Variants in SLC30A8 observed in about 807,000 individuals in gnomAD.
SLC30A8 encodes solute carrier family 30 member 8, also known as proton-coupled zinc antiporter SLC30A8.
In SLC30A8, 27 loss-of-function variants were observed where a neutral mutation model predicts 36.9. The observed-to-expected ratio is 0.73, with a 90% confidence interval of 0.54 to 1.01. The LOEUF is 1.01. SLC30A8 is among the 50% of genes least tolerant of loss of function. SLC30A8 has a pLI of 0.00. For missense variants in SLC30A8, 439 were observed against 452.0 expected (o/e 0.97, Z 0.26); for synonymous variants, 164 against 172.4 (o/e 0.95, Z 0.38).
intron 1 of SLC30A8, among the ~76,000 whole-genome samples, chr8:117,018,601 G>C (rs919278584): frequency 3.5e-4 from 53 of 150,728 alleles, no homozygotes; most frequent in Non-Finnish European, 6.9e-4. Flanking sequence ...GCACTGTTGC[G>C]TTTGATAGTG....
intron 1 of SLC30A8, among the ~76,000 whole-genome samples, chr8:116,992,965 G>A (rs967003261): frequency 2.4e-5 from 3 of 126,426 alleles, no homozygotes; most frequent in Non-Finnish European, 3.7e-5. Context: ...TGGCCATGTC[G>A]AGTAAAGAAG....
chr8:117,068,607 C>T (rs1247979289), intron 2 of SLC30A8, among the ~76,000 whole-genome samples: 1 of 152,072 alleles, frequency 6.6e-6, no homozygotes, highest in Non-Finnish European at 1.5e-5. Context: ...GACAGTGTCT[C>T]ACTCTGTCAC....
chr8:117,141,884 G>T (rs1016562364), intron 1 of SLC30A8, among the ~76,000 whole-genome samples: 1 of 152,112 alleles, frequency 6.6e-6, no homozygotes, highest in African/African-American at 2.4e-5. Context: ...CTTTGAAGTG[G>T]TTTATATGAA....
At chr8:117,046,092 G>A (rs1448531437) in intron 2 of SLC30A8, among the ~76,000 whole-genome samples, 5 of 152,104 alleles carry the variant, frequency 3.3e-5, no homozygotes, top group Non-Finnish European at 7.3e-5. Flanking sequence ...ACTTTCTCGA[G>A]TCATGAAGGG....
At chr8:117,114,138 G>A (rs1375110093) in intron 2 of SLC30A8, among the ~76,000 whole-genome samples, 1 of 152,106 alleles carries the variant, frequency 6.6e-6, no homozygotes, top group Non-Finnish European at 1.5e-5. Flanking sequence ...CAGACACACA[G>A]CACTTAGAAC....
chr8:117,007,968 A>G (rs558182035), intron 1 of SLC30A8, among the ~76,000 whole-genome samples: 169 of 152,344 alleles, frequency 1.1e-3, no homozygotes, highest in African/African-American at 3.9e-3. Context: ...ATGTAAAATG[A>G]TATATGGTAA....
At chr8:117,005,155 C>T (rs2130693418) in intron 1 of SLC30A8, among the ~76,000 whole-genome samples, 1 of 152,292 alleles carries the variant, frequency 6.6e-6, no homozygotes, top group South Asian at 2.1e-4. Flanking sequence ...AGCTGTCACT[C>T]CCCAATTCCC....
At chr8:117,022,869 T>A (rs983476140) in intron 1 of SLC30A8, among the ~76,000 whole-genome samples, 2 of 152,038 alleles carry the variant, frequency 1.3e-5, no homozygotes, top group East Asian at 1.9e-4. Flanking sequence ...AAGCCAAAAT[T>A]GACAAATGGG....
chr8:116,954,857 G>A (rs1171751621), intron 1 of SLC30A8, among the ~76,000 whole-genome samples: 1 of 152,186 alleles, frequency 6.6e-6, no homozygotes, highest in Non-Finnish European at 1.5e-5. Flanking sequence ...GTAAATAAGA[G>A]TAGAAGTCAG....
intron 1 of SLC30A8, among the ~76,000 whole-genome samples, chr8:117,007,678 CACA>C (rs1279093580): frequency 6.6e-6 from 1 of 152,166 alleles, no homozygotes; most frequent in African/African-American, 2.4e-5. Flanking sequence ...ATTTGACCCT[CACA>C]ACAACTCTGC....
chr8:116,983,001 T>G (rs188250000), intron 1 of SLC30A8, among the ~76,000 whole-genome samples: 8 of 152,288 alleles, frequency 5.3e-5, no homozygotes, highest in African/African-American at 1.9e-4. Context: ...CTGTCGTATA[T>G]CATTATTTTT....
At chr8:117,171,358 C>T (rs1219188463) in intron 7 of SLC30A8, among the ~76,000 whole-genome samples, 190 bp downstream of exon 7, 1 of 152,006 alleles carries the variant, frequency 6.6e-6, no homozygotes, top group African/African-American at 2.4e-5. Flanking sequence ...ATGATACCCA[C>T]GACATTCTTG....
intron 1 of SLC30A8, among the ~76,000 whole-genome samples, chr8:117,038,132 A>G (rs923911441): frequency 3.3e-5 from 5 of 152,176 alleles, no homozygotes; most frequent in African/African-American, 1.2e-4. Flanking sequence ...CAGTAATTTT[A>G]TAAAATTGTT....
chr8:116,955,949 A>T (rs1043117270), intron 1 of SLC30A8, among the ~76,000 whole-genome samples: 15 of 152,116 alleles, frequency 9.9e-5, no homozygotes, highest in Non-Finnish European at 1.9e-4. Context: ...TTGTTATGGC[A>T]TCCGTAGGAA....
chr8:117,136,575 A>C (rs924947168), intron 1 of SLC30A8, among the ~76,000 whole-genome samples: 2 of 152,018 alleles, frequency 1.3e-5, no homozygotes, highest in Non-Finnish European at 2.9e-5. Flanking sequence ...ACTTGGCTTA[A>C]AACAAAGAAT....
At chr8:117,132,038 C>T (rs2130925449), upstream of SLC30A8, among the ~76,000 whole-genome samples, 1 of 152,096 alleles carries the variant, frequency 6.6e-6, no homozygotes, top group South Asian at 2.1e-4. Context: ...AAAAGCAAAA[C>T]ATGATGAAAG....
intron 2 of SLC30A8, among the ~76,000 whole-genome samples, chr8:117,056,987 T>C (rs1349501986): frequency 1.3e-5 from 2 of 152,190 alleles, no homozygotes; most frequent in Admixed American, 6.5e-5. Flanking sequence ...AGAATCTCAC[T>C]TGTATAATGA....
intron 6 of SLC30A8, among the ~76,000 whole-genome samples, chr8:117,164,742 C>T (rs1466963674): frequency 6.6e-6 from 1 of 152,064 alleles, no homozygotes; most frequent in African/African-American, 2.4e-5. Context: ...GAGCAGGGGC[C>T]AGTGGTCCCA....
chr8:116,977,563 G>A (rs1380921346), intron 1 of SLC30A8, among the ~76,000 whole-genome samples: 1 of 146,720 alleles, frequency 6.8e-6, no homozygotes, highest in East Asian at 2.0e-4. Context: ...CCAGGCTGGA[G>A]TGCAGTGGTG....
Sources: gnomAD v4.1 joint callset for allele counts (sites outside exome capture counted in the v4.1 genomes callset) on GRCh38, gnomAD v4.1.1 for gene constraint, MANE v1.5 for transcripts, NCBI Gene and HGNC (gene_info 2026-07-23, HGNC 2026-07-21) for gene names.